The following HERC3 variants were observed in gnomAD, a reference collection of about 807,000 sequenced individuals.
HERC3 encodes HECT and RLD domain containing E3 ubiquitin protein ligase 3.
A neutral mutation model predicts 129.9 loss-of-function variants in HERC3; 58 were observed. The observed-to-expected ratio is 0.45, with a 90% CI of 0.36 to 0.56. The LOEUF is 0.56. Among genes scored for constraint, HERC3 ranks in the 20% least tolerant of loss-of-function variants. HERC3 has a pLI of 0.00. For missense variants in HERC3, 835 were observed against 1,244.2 expected (o/e 0.67, Z 4.95); for synonymous variants, 430 against 451.0 (o/e 0.95, Z 0.59).
the HERC3 span, among the ~76,000 whole-genome samples, chr4:88,580,229 C>T: frequency 2.6e-5 from 4 of 152,184 alleles, no homozygotes; most frequent in African/African-American, 9.6e-5. Flanking sequence ...ATGAAGGCAA[C>T]GAAAGTGGAA....
intron 1 of HERC3, chr4:88,593,260 G>GGTGTGT (rs528386367): frequency 1.3e-5 from 2 of 151,474 alleles, no homozygotes; most frequent in Non-Finnish European, 2.9e-5. Context: ...CGTGTGTACG[G>GGTGTGT]GTGTGTGTGT....
At chr4:88,585,501 C>T in the HERC3 span, among the ~76,000 whole-genome samples, 1 of 142,628 alleles carries the variant, frequency 7.0e-6, no homozygotes, top group South Asian at 2.2e-4. Flanking sequence ...GATGATGAGA[C>T]AAATTTTGAT....
chr4:88,635,814 T>C (rs1727319205), intron 3 of HERC3, among the ~76,000 whole-genome samples: 1 of 152,072 alleles, frequency 6.6e-6, no homozygotes, highest in Admixed American at 6.6e-5. Flanking sequence ...GCAGAAACCC[T>C]ACAAGCCAGA....
At chr4:88,662,679 A>G (rs1730614056) in intron 11 of HERC3, 124 bp downstream of exon 11, 5 of 1,017,842 alleles carry the variant, frequency 4.9e-6, no homozygotes, top group Non-Finnish European at 7.1e-6. Flanking sequence ...ATTATAGGGA[A>G]TCGTGGGTTA....
intron 3 of HERC3, among the ~76,000 whole-genome samples, chr4:88,608,138 G>A (rs1723878226): frequency 6.6e-6 from 1 of 152,130 alleles, no homozygotes; most frequent in Non-Finnish European, 1.5e-5. Flanking sequence ...AAGTGACCAT[G>A]TTCCGTAGTT....
chr4:88,663,885 T>C (rs1730768710), intron 11 of HERC3, among the ~76,000 whole-genome samples: 1 of 152,194 alleles, frequency 6.6e-6, no homozygotes, highest in Admixed American at 6.5e-5. Flanking sequence ...TAGAAAAATA[T>C]TCAAGAACAT....
the HERC3 span, among the ~76,000 whole-genome samples, chr4:88,564,037 T>C: frequency 6.6e-5 from 10 of 152,358 alleles, no homozygotes; most frequent in Non-Finnish European, 1.2e-4. Flanking sequence ...TCTACATCAA[T>C]TGAAATGATT....
At chr4:88,660,732 G>C (rs1472678280) in intron 10 of HERC3, among the ~76,000 whole-genome samples, 2 of 152,146 alleles carry the variant, frequency 1.3e-5, no homozygotes, top group Non-Finnish European at 2.9e-5. Flanking sequence ...GCATGTGTGT[G>C]TGTTTGTGTG....
intron 21 of HERC3, among the ~76,000 whole-genome samples, chr4:88,682,837 C>T (rs1045991752): frequency 2.0e-5 from 3 of 151,832 alleles, no homozygotes; most frequent in African/African-American, 4.8e-5. Flanking sequence ...GGTATATACC[C>T]AGTAATGGGA....
intron 3 of HERC3, among the ~76,000 whole-genome samples, chr4:88,618,255 C>T (rs1263608206): frequency 6.6e-6 from 1 of 152,196 alleles, no homozygotes; most frequent in Non-Finnish European, 1.5e-5. Flanking sequence ...TTTATGAGTG[C>T]CAGCCTGTGC....
intron 12 of HERC3, among the ~76,000 whole-genome samples, chr4:88,667,014 C>A (rs929508375): frequency 6.6e-6 from 1 of 151,968 alleles, no homozygotes; most frequent in Non-Finnish European, 1.5e-5. Flanking sequence ...GCCACAAAAA[C>A]AGAAAAAAAC....
intron 14 of HERC3, among the ~76,000 whole-genome samples, chr4:88,669,453 G>T (rs555492757): frequency 1.5e-4 from 23 of 152,118 alleles, no homozygotes; most frequent in Non-Finnish European, 3.1e-4. Context: ...CTGCTTCTAG[G>T]GTATGTGGTG....
chr4:88,698,065 T>TG (rs1247121552), intron 23 of HERC3, among the ~76,000 whole-genome samples: 4 of 152,166 alleles, frequency 2.6e-5, no homozygotes. Context: ...AGAGCTGGGC[T>TG]GGGAGTGTCA....
chr4:88,607,877 G>T (rs530707760), intron 3 of HERC3, among the ~76,000 whole-genome samples: 5 of 152,328 alleles, frequency 3.3e-5, no homozygotes, highest in African/African-American at 9.6e-5. Flanking sequence ...CTTTTGGTGA[G>T]AAATTTTAAG....
At chr4:88,697,148 A>T in intron 23 of HERC3, 1 of 1,448,710 alleles carries the variant, frequency 6.9e-7, no homozygotes, top group Non-Finnish European at 9.1e-7. Context: ...ATATTCTGGG[A>T]AAAACAAAAC....
chr4:88,604,211 G>T (rs1391796980), intron 2 of HERC3, among the ~76,000 whole-genome samples: 1 of 152,154 alleles, frequency 6.6e-6, no homozygotes, highest in African/African-American at 2.4e-5. Flanking sequence ...TAGAGATGGG[G>T]TCTCCCCATG....
the HERC3 span, among the ~76,000 whole-genome samples, chr4:88,541,658 A>C: frequency 1.3e-5 from 2 of 152,228 alleles, no homozygotes; most frequent in African/African-American, 4.8e-5. Flanking sequence ...TCTCAGCACC[A>C]CATCGCACTT....
At chr4:88,555,696 A>G in the HERC3 span, among the ~76,000 whole-genome samples, 1 of 152,382 alleles carries the variant, frequency 6.6e-6, no homozygotes, top group East Asian at 1.9e-4. Flanking sequence ...CCTGAAATAA[A>G]TTAAAATTTA....
At chr4:88,640,305 C>G (rs1242476855) in intron 3 of HERC3, among the ~76,000 whole-genome samples, 2 of 152,106 alleles carry the variant, frequency 1.3e-5, no homozygotes, top group African/African-American at 4.8e-5. Flanking sequence ...TTTACAATAG[C>G]AAAGACATGG....
Sources: gnomAD v4.1 joint callset for allele counts (sites outside exome capture counted in the v4.1 genomes callset) on GRCh38, gnomAD v4.1.1 for gene constraint, MANE v1.5 for transcripts, NCBI Gene and HGNC (gene_info 2026-07-23, HGNC 2026-07-21) for gene names.